Variants in LINGO2 observed in about 807,000 individuals in gnomAD.
LINGO2 encodes the protein leucine-rich repeat and immunoglobulin-like domain-containing nogo receptor-interacting protein 2.
LINGO2 carries 14 observed loss-of-function variants against 30.6 expected under a neutral mutation model. That is an observed-to-expected ratio of 0.46 (90% CI 0.30 to 0.72). The LOEUF (loss-of-function observed/expected upper bound fraction) is 0.72, where lower values mean the gene tolerates loss of function less well. Ranked by LOEUF, LINGO2 falls within the 30% of genes least tolerant of loss-of-function variation. LINGO2 has a pLI of 0.07. For missense variants in LINGO2, 729 were observed against 751.7 expected (o/e 0.97, Z 0.35); for synonymous variants, 317 against 288.5 (o/e 1.10, Z -1.00).
the LINGO2 span, among the ~76,000 whole-genome samples, chr9:29,028,906 T>C: frequency 6.6e-6 from 1 of 152,204 alleles, no homozygotes; most frequent in Non-Finnish European, 1.5e-5. Flanking sequence ...AAACCACAGA[T>C]TTCTAGTAAT....
the LINGO2 span, among the ~76,000 whole-genome samples, chr9:29,056,675 A>G: frequency 6.6e-6 from 1 of 152,096 alleles, no homozygotes; most frequent in Non-Finnish European, 1.5e-5. Flanking sequence ...GACAATGTCT[A>G]GAAGGGTTTT....
the LINGO2 span, among the ~76,000 whole-genome samples, chr9:28,708,361 C>T: frequency 6.6e-6 from 1 of 152,034 alleles, no homozygotes; most frequent in East Asian, 1.9e-4. Flanking sequence ...CTCCTTTGTT[C>T]CCCATCTGAT....
the LINGO2 span, among the ~76,000 whole-genome samples, chr9:29,019,008 C>T: frequency 6.6e-6 from 1 of 152,110 alleles, no homozygotes; most frequent in Admixed American, 6.6e-5. Context: ...TGTATTTAGA[C>T]TAGGTGACCT....
intron 3 of LINGO2, among the ~76,000 whole-genome samples, chr9:28,321,213 C>T (rs990309714): frequency 2.6e-5 from 4 of 151,956 alleles, no homozygotes; most frequent in Admixed American, 6.6e-5. Context: ...GAGAAAATAC[C>T]CAAACAAATT....
chr9:28,160,061 A>G (rs368269023), intron 4 of LINGO2, among the ~76,000 whole-genome samples: 41 of 152,268 alleles, frequency 2.7e-4, no homozygotes, highest in African/African-American at 9.9e-4. Context: ...TGACTGCCAA[A>G]TTATTAGTAA....
intron 2 of LINGO2, among the ~76,000 whole-genome samples, chr9:28,419,606 A>T (rs1482647491): frequency 6.5e-5 from 1 of 15,448 alleles, no homozygotes; most frequent in African/African-American, 8.6e-4. Context: ...GAGATAGATT[A>T]AAAAAAAAAA....
chr9:28,242,812 C>G (rs898887451), intron 4 of LINGO2, among the ~76,000 whole-genome samples: 2 of 152,232 alleles, frequency 1.3e-5, no homozygotes, highest in Non-Finnish European at 2.9e-5. Flanking sequence ...GAGTAGGGGC[C>G]AATATTCGAC....
the LINGO2 span, among the ~76,000 whole-genome samples, chr9:28,835,458 AT>A: frequency 6.6e-6 from 1 of 152,160 alleles, no homozygotes; most frequent in Non-Finnish European, 1.5e-5. Context: ...AGCCATTTTT[AT>A]TTTCCACTTA....
intron 1 of LINGO2, chr9:28,598,915 A>G (rs1167088179): frequency 1.3e-5 from 2 of 152,174 alleles, no homozygotes; most frequent in Non-Finnish European, 2.9e-5. Flanking sequence ...AGTCCCCTAT[A>G]ACATCTTTTA....
intron 1 of LINGO2, among the ~76,000 whole-genome samples, chr9:28,589,497 T>C (rs1436666584): frequency 6.6e-6 from 1 of 152,094 alleles, no homozygotes; most frequent in Non-Finnish European, 1.5e-5. Context: ...AGCATTCTTA[T>C]ACACCAATAA....
At chr9:28,425,869 T>C (rs555570967) in intron 2 of LINGO2, among the ~76,000 whole-genome samples, 98 of 152,180 alleles carry the variant, frequency 6.4e-4, no homozygotes, top group Non-Finnish European at 1.2e-3. Flanking sequence ...AGTTTGACTA[T>C]ATTTTTGTTG....
intron 1 of LINGO2, among the ~76,000 whole-genome samples, chr9:28,519,911 T>C (rs1460438100): frequency 6.6e-6 from 1 of 152,224 alleles, no homozygotes; most frequent in African/African-American, 2.4e-5. Context: ...TTACGTTTTG[T>C]CCATAAACCA....
intron 4 of LINGO2, among the ~76,000 whole-genome samples, chr9:28,199,351 T>TCTTCCTCCTCCTCC (rs1290385489): frequency 6.7e-6 from 1 of 149,852 alleles, no homozygotes; most frequent in African/African-American, 2.4e-5. Context: ...CTTCTTTTTT[T>TCTTCCTCCTCCTCC]TTTTTTGAGA....
the LINGO2 span, among the ~76,000 whole-genome samples, chr9:29,151,734 T>C: frequency 6.6e-6 from 1 of 152,252 alleles, no homozygotes; most frequent in Non-Finnish European, 1.5e-5. Flanking sequence ...ACTGAAGCAC[T>C]CAGATTCATA....
the LINGO2 span, among the ~76,000 whole-genome samples, chr9:28,802,540 A>G: frequency 1.3e-5 from 2 of 151,560 alleles, no homozygotes; most frequent in East Asian, 1.9e-4. Flanking sequence ...ATTTTCAAAA[A>G]TACTTGTCAG....
chr9:28,255,368 G>A (rs1822348699), intron 4 of LINGO2, among the ~76,000 whole-genome samples: 1 of 152,000 alleles, frequency 6.6e-6, no homozygotes, highest in Admixed American at 6.6e-5. Flanking sequence ...TCCTCCTGTA[G>A]AGAAATGCTG....
rs543190077 is a variant in LINGO2, at chr9:28,348,678, G to A, written c.-246+24158C>T. ...CAAGGAGGCCTGCCTGCCTCTGTAGGCTCCACCTCTGGGGGCAGGGCACAG... is the reference window on the plus strand; with the variant it reads ...CAAGGAGGCCTGCCTGCCTCTGTAGACTCCACCTCTGGGGGCAGGGCACAG... On this transcript the variant is annotated intron_variant, in intron 3 of 5. Coordinates refer to ENST00000379992, the Ensembl canonical transcript of LINGO2. Among the ~76,000 whole-genome samples, 194 of 152,092 alleles carry A rather than the reference G, an allele frequency of 1.3e-3. 2 individuals carry two copies. Among genetic ancestry groups the A allele is most frequent in the African/African-American group, 4.5e-3 (185 of 41,486 alleles).
chr9:29,062,864 T>A, the LINGO2 span, among the ~76,000 whole-genome samples: 1 of 152,164 alleles, frequency 6.6e-6, no homozygotes, highest in African/African-American at 2.4e-5. Flanking sequence ...CTTTTCTCAA[T>A]CCTCAGAAGC....
At chr9:28,683,707 T>A in the LINGO2 span, among the ~76,000 whole-genome samples, 1 of 152,312 alleles carries the variant, frequency 6.6e-6, no homozygotes, top group Non-Finnish European at 1.5e-5. Flanking sequence ...TGATAAAAAA[T>A]CTAACATGAA....
Sources: gnomAD v4.1 joint callset for allele counts (sites outside exome capture counted in the v4.1 genomes callset) on GRCh38, gnomAD v4.1.1 for gene constraint, MANE v1.5 for transcripts, NCBI Gene and HGNC (gene_info 2026-07-23, HGNC 2026-07-21) for gene names.